ADGRL2: variants seen among roughly 807,000 people sequenced by gnomAD.
ADGRL2 encodes the protein adhesion G protein-coupled receptor L2, also known as calcium-independent alpha-latrotoxin receptor 2.
ADGRL2 carries 44 observed loss-of-function variants against 157.4 expected under a neutral mutation model. The observed-to-expected ratio is 0.28, with a 90% confidence interval of 0.22 to 0.36. The LOEUF (loss-of-function observed/expected upper bound fraction) is 0.36. Among genes scored for constraint, ADGRL2 ranks in the 10% least tolerant of loss-of-function variants. The probability of loss-of-function intolerance (pLI) is 1.00; values close to 1 mark genes in which losing one functional copy is unlikely to be tolerated. For synonymous variants in ADGRL2, 585 were observed against 624.7 expected, an observed-to-expected ratio of 0.94 and a Z score of 0.95; for missense variants, 1,510 against 1,768.9, an observed-to-expected ratio of 0.85 and a Z score of 2.63.
chr1:81,673,083 T>A (rs974894591), intron 3 of ADGRL2, among the ~76,000 whole-genome samples: 1 of 152,244 alleles, frequency 6.6e-6, no homozygotes, highest in African/African-American at 2.4e-5. Context: ...ATTTTCCAGC[T>A]TTTGTCTTAC....
chr1:81,563,455 A>C (rs1570514041), intron 2 of ADGRL2, among the ~76,000 whole-genome samples: 1 of 152,204 alleles, frequency 6.6e-6, no homozygotes, highest in East Asian at 1.9e-4. Context: ...GAAGAAAGAG[A>C]GGAGACAAAG....
intron 1 of ADGRL2, among the ~76,000 whole-genome samples, chr1:81,375,248 A>T (rs1306955265): frequency 1.3e-5 from 2 of 152,232 alleles, no homozygotes; most frequent in Admixed American, 1.3e-4. Context: ...AGAAAACTTC[A>T]TAGAGGAGGT....
At chr1:81,966,366 G>A (rs746537071) in intron 12 of ADGRL2, 38 bp from the exon 13 acceptor site, 1 of 1,583,168 alleles carries the variant, frequency 6.3e-7, no homozygotes. Flanking sequence ...TAACAAGCAT[G>A]TTTTTTGTAC....
At chr1:81,425,370 A>G (rs2101575977) in intron 1 of ADGRL2, among the ~76,000 whole-genome samples, 1 of 151,916 alleles carries the variant, frequency 6.6e-6, no homozygotes, top group Non-Finnish European at 1.5e-5. Flanking sequence ...TGTTACTACT[A>G]CTCTGAAGTG....
At chr1:81,855,070 A>G (rs750275177) in intron 2 of ADGRL2, among the ~76,000 whole-genome samples, 7 of 152,180 alleles carry the variant, frequency 4.6e-5, no homozygotes, top group Admixed American at 4.6e-4. Context: ...CTGTGGGACC[A>G]GGGAATTAAC....
chr1:81,831,512 A>G (rs1277742621), intron 1 of ADGRL2, among the ~76,000 whole-genome samples: 1 of 152,130 alleles, frequency 6.6e-6, no homozygotes, highest in Non-Finnish European at 1.5e-5. Context: ...TCTGGTCTAC[A>G]TAATTAGTAA....
intron 3 of ADGRL2, among the ~76,000 whole-genome samples, chr1:81,606,020 CTT>C (rs887791876): frequency 1.3e-5 from 2 of 152,124 alleles, no homozygotes; most frequent in African/African-American, 4.8e-5. Flanking sequence ...CCATTTGTCA[CTT>C]TTTTTAACAA....
At position 81,819,998 on chromosome 1, in the gene ADGRL2, G is replaced by C. The variant is rs575684747; in HGVS notation, c.-100-16887G>C. On this transcript the variant is annotated intron_variant, in intron 1 of 23. Coordinates refer to ENST00000686636, the MANE Select transcript of ADGRL2 (RefSeq NM_001366006.2). ...ATATATTTATTTTATTGGTACGTGG[G>C]GAAATTTCCCTGCTTCACCTGTTCT... 6.9e-4 allele frequency among the ~76,000 whole-genome samples: 105 copies of C among 152,134 alleles called. 1 individual carries two copies. Among genetic ancestry groups the C allele is most frequent in the African/African-American group, 2.5e-3 (103 of 41,530 alleles).
chr1:81,861,358 A>AT (rs1189338900), intron 2 of ADGRL2, among the ~76,000 whole-genome samples: 1 of 152,162 alleles, frequency 6.6e-6, no homozygotes, highest in Non-Finnish European at 1.5e-5. Flanking sequence ...GTAGCAAAGT[A>AT]TTTTTATCAT....
intron 2 of ADGRL2, among the ~76,000 whole-genome samples, chr1:81,552,605 G>GAAAAAAAAAAAAAAAAAAAAAAAA (rs35795177): frequency 6.7e-5 from 7 of 103,990 alleles, no homozygotes; most frequent in African/African-American, 1.9e-4. Context: ...ACTTTACTTA[G>GAAAAAAAAAAAAAAAAAAAAAAAA]AAAAAAAAAA....
At chr1:81,316,540 A>T (rs910403554) in intron 1 of ADGRL2, among the ~76,000 whole-genome samples, 1 of 152,190 alleles carries the variant, frequency 6.6e-6, no homozygotes, top group African/African-American at 2.4e-5. Context: ...TTCTTTAAAG[A>T]GGAAAATAAT....
chr1:81,520,567 G>C (rs1214849615), intron 2 of ADGRL2, among the ~76,000 whole-genome samples: 2 of 152,186 alleles, frequency 1.3e-5, no homozygotes, highest in Non-Finnish European at 2.9e-5. Context: ...CTGTTCTCAT[G>C]ATAGTGAGTG....
intron 11 of ADGRL2, among the ~76,000 whole-genome samples, chr1:81,957,903 T>A (rs1482975089): frequency 1.3e-5 from 2 of 151,952 alleles, no homozygotes; most frequent in Middle Eastern, 3.2e-3. Context: ...TGGTGGCTCA[T>A]GCCTGCAATC....
chr1:81,337,406 C>T (rs1181650290), intron 1 of ADGRL2, among the ~76,000 whole-genome samples: 1 of 152,186 alleles, frequency 6.6e-6, no homozygotes, highest in Non-Finnish European at 1.5e-5. Context: ...CCCCGAAGCG[C>T]TCATCCCAGA....
At chr1:81,802,463 C>T (rs10782768) in intron 1 of ADGRL2, among the ~76,000 whole-genome samples, 88,062 of 151,374 alleles carry the variant, frequency 0.58, 25,791 homozygotes, top group East Asian at 0.69. Context: ...TCCGGTCCAG[C>T]CGGCTTCTCC....
chr1:81,841,050 C>T (rs2092557676), intron 2 of ADGRL2, among the ~76,000 whole-genome samples: 1 of 152,118 alleles, frequency 6.6e-6, no homozygotes, highest in Admixed American at 6.6e-5. Context: ...TGAAGGCTTG[C>T]TCAAGTGACA....
At chr1:81,450,216 T>C (rs528606541) in intron 2 of ADGRL2, among the ~76,000 whole-genome samples, 1 of 152,284 alleles carries the variant, frequency 6.6e-6, no homozygotes, top group East Asian at 1.9e-4. Flanking sequence ...CTCTTATTAA[T>C]AATCCAAAAT....
At chr1:81,671,154 G>A (rs1358775271) in intron 3 of ADGRL2, among the ~76,000 whole-genome samples, 1 of 152,192 alleles carries the variant, frequency 6.6e-6, no homozygotes, top group African/African-American at 2.4e-5. Flanking sequence ...TCCCAAGTAT[G>A]TGCCTAACCT....
intron 3 of ADGRL2, among the ~76,000 whole-genome samples, chr1:81,681,229 T>G (rs1305798606): frequency 6.6e-6 from 1 of 152,218 alleles, no homozygotes; most frequent in African/African-American, 2.4e-5. Flanking sequence ...CAAAGAAAGC[T>G]TGAGAACCTG....
Sources: gnomAD v4.1 joint callset for allele counts (sites outside exome capture counted in the v4.1 genomes callset) on GRCh38, gnomAD v4.1.1 for gene constraint, MANE v1.5 for transcripts, NCBI Gene and HGNC (gene_info 2026-07-23, HGNC 2026-07-21) for gene names.